The following RBFOX1 variants were observed in gnomAD, a reference collection of about 807,000 sequenced individuals.
RBFOX1 encodes the protein RNA binding protein fox-1 homolog 1.
RBFOX1 carries 8 observed loss-of-function variants against 57.7 expected under a neutral mutation model. The ratio of observed to expected loss-of-function variants is 0.14; its 90% CI spans 0.08 to 0.25. The LOEUF (loss-of-function observed/expected upper bound fraction) is 0.25. Ranked by LOEUF, RBFOX1 falls within the 10% of genes least tolerant of loss-of-function variation. The pLI is 1.00. For synonymous variants in RBFOX1, 326 were observed against 222.4 expected (o/e 1.47, Z -4.15); for missense variants, 611 against 548.5 (o/e 1.11, Z -1.14).
intron 4 of RBFOX1, among the ~76,000 whole-genome samples, chr16:7,510,521 GCA>G (rs879839798): frequency 0.041 from 5,746 of 139,928 alleles, 143 homozygotes; most frequent in South Asian, 0.089. Flanking sequence ...GGGCGCGCGC[GCA>G]CGCGCGCACG....
chr16:5,982,536 A>G (rs1357274920), intron 4 of RBFOX1, among the ~76,000 whole-genome samples: 1 of 152,140 alleles, frequency 6.6e-6, no homozygotes, highest in Non-Finnish European at 1.5e-5. Context: ...CCAGCCTCCC[A>G]AAGTGCTGGG....
chr16:5,460,655 T>C (rs1170344261), intron 1 of RBFOX1, among the ~76,000 whole-genome samples: 1 of 152,234 alleles, frequency 6.6e-6, no homozygotes, highest in African/African-American at 2.4e-5. Flanking sequence ...AGGAATGTTC[T>C]GTAGGCATTT....
intron 4 of RBFOX1, among the ~76,000 whole-genome samples, chr16:7,278,054 A>T (rs544217762): frequency 6.6e-6 from 1 of 152,154 alleles, no homozygotes; most frequent in Non-Finnish European, 1.5e-5. Flanking sequence ...AGCATTGCCT[A>T]TCATTCAGTT....
intron 2 of RBFOX1, among the ~76,000 whole-genome samples, chr16:6,396,326 C>A (rs113189674): frequency 7.9e-5 from 12 of 152,154 alleles, no homozygotes; most frequent in African/African-American, 2.9e-4. Context: ...ACACACCAAT[C>A]CATGTGGTGC....
At chr16:5,750,893 C>A (rs907799269) in intron 3 of RBFOX1, among the ~76,000 whole-genome samples, 6 of 152,214 alleles carry the variant, frequency 3.9e-5, no homozygotes, top group African/African-American at 1.4e-4. Context: ...GTCTGACAAG[C>A]CCCAGTGAGA....
intron 3 of RBFOX1, among the ~76,000 whole-genome samples, chr16:6,825,810 C>T (rs139312297): frequency 6.6e-6 from 1 of 152,238 alleles, no homozygotes; most frequent in East Asian, 1.9e-4. Flanking sequence ...ACAGAGGCAG[C>T]GATCCTGCAC....
intron 1 of RBFOX1, among the ~76,000 whole-genome samples, chr16:6,216,579 CA>C (rs1340497863): frequency 1.3e-5 from 2 of 152,178 alleles, no homozygotes; most frequent in African/African-American, 4.8e-5. Context: ...TTCGAGTGAG[CA>C]AAAGCAAAGT....
At chr16:5,425,012 T>TC (rs1257727223) in intron 1 of RBFOX1, among the ~76,000 whole-genome samples, 4 of 142,818 alleles carry the variant, frequency 2.8e-5, no homozygotes, top group African/African-American at 1.1e-4. Context: ...TCTTTTCTTT[T>TC]CTTTCTTGAT....
At chr16:7,177,632 T>A (rs2081944093) in intron 4 of RBFOX1, among the ~76,000 whole-genome samples, 1 of 152,146 alleles carries the variant, frequency 6.6e-6, no homozygotes. Flanking sequence ...TCTGAGCAAA[T>A]TGCATTATTA....
chr16:6,432,434 G>A (rs968355871), intron 2 of RBFOX1, among the ~76,000 whole-genome samples: 95 of 151,932 alleles, frequency 6.3e-4, no homozygotes, highest in Non-Finnish European at 1.1e-3. Flanking sequence ...CACTTTGGGA[G>A]GGCAAGGCGG....
intron 3 of RBFOX1, among the ~76,000 whole-genome samples, chr16:5,686,104 A>T (rs880629): frequency 4.6e-5 from 7 of 152,178 alleles, no homozygotes; most frequent in South Asian, 2.1e-4. Context: ...AGTGATGAAA[A>T]GAAGATGGAG....
chr16:5,715,671 C>A (rs1297111539), intron 3 of RBFOX1, among the ~76,000 whole-genome samples: 1 of 152,168 alleles, frequency 6.6e-6, no homozygotes, highest in Non-Finnish European at 1.5e-5. Context: ...TAAAGGCTTG[C>A]CTTCTCCATG....
chr16:6,110,267 T>G (rs747325961), intron 1 of RBFOX1, among the ~76,000 whole-genome samples: 88 of 151,912 alleles, frequency 5.8e-4, no homozygotes, highest in Middle Eastern at 3.4e-3. Flanking sequence ...TAGGTCATTG[T>G]GACTTCTTTG....
intron 3 of RBFOX1, among the ~76,000 whole-genome samples, chr16:6,903,411 T>G (rs1415645444): frequency 1.3e-5 from 2 of 152,112 alleles, no homozygotes; most frequent in Non-Finnish European, 2.9e-5. Flanking sequence ...GCGCTCCAAT[T>G]AAAATTGACG....
At chr16:7,334,353 C>T (rs886819022) in intron 4 of RBFOX1, among the ~76,000 whole-genome samples, 13 of 152,042 alleles carry the variant, frequency 8.6e-5, no homozygotes, top group African/African-American at 2.4e-4. Context: ...ATACACAGGC[C>T]GGTATGATAA....
intron 4 of RBFOX1, among the ~76,000 whole-genome samples, chr16:7,227,170 A>G (rs1025330986): frequency 6.6e-6 from 1 of 152,218 alleles, no homozygotes; most frequent in Middle Eastern, 3.4e-3. Flanking sequence ...TCACTCATGT[A>G]CATGGTAGCC....
chr16:5,844,834 G>A (rs868466438), intron 3 of RBFOX1, among the ~76,000 whole-genome samples: 3 of 152,210 alleles, frequency 2.0e-5, no homozygotes, highest in Admixed American at 6.5e-5. Flanking sequence ...TCCCTTACAC[G>A]TTGAGATCCT....
intron 4 of RBFOX1, among the ~76,000 whole-genome samples, chr16:7,380,489 C>A (rs900712678): frequency 6.6e-6 from 1 of 152,188 alleles, no homozygotes; most frequent in African/African-American, 2.4e-5. Context: ...GTACTTCAGT[C>A]TTAACATCTG....
intron 1 of RBFOX1, among the ~76,000 whole-genome samples, chr16:5,254,584 C>G (rs1209556834): frequency 6.6e-6 from 1 of 152,238 alleles, no homozygotes; most frequent in Non-Finnish European, 1.5e-5. Context: ...GACTGCCTCT[C>G]TCTTACCTGT....
Sources: gnomAD v4.1 joint callset for allele counts (sites outside exome capture counted in the v4.1 genomes callset) on GRCh38, gnomAD v4.1.1 for gene constraint, MANE v1.5 for transcripts, NCBI Gene and HGNC (gene_info 2026-07-23, HGNC 2026-07-21) for gene names.